DCAF6: variants seen among roughly 807,000 people sequenced by gnomAD.
DCAF6 encodes the protein DDB1 and CUL4 associated factor 6.
DCAF6 carries 54 observed loss-of-function variants against 125.1 expected under a neutral mutation model. That is an observed-to-expected ratio of 0.43 (90% confidence interval 0.35 to 0.54). The LOEUF (loss-of-function observed/expected upper bound fraction) is 0.54, where lower values mean the gene tolerates loss of function less well. Ranked by LOEUF, DCAF6 falls within the 20% of genes least tolerant of loss-of-function variation. The probability of loss-of-function intolerance (pLI) is 0.01; values close to 1 mark genes in which losing one functional copy is unlikely to be tolerated. For synonymous variants in DCAF6, 371 were observed against 390.4 expected, an observed-to-expected ratio of 0.95 and a Z score of 0.58; for missense variants, 934 against 1,161.7, an observed-to-expected ratio of 0.80 and a Z score of 2.85.
chr1:167,943,818 C>T (rs778834422), intron 1 of DCAF6, among the ~76,000 whole-genome samples: 1 of 152,074 alleles, frequency 6.6e-6, no homozygotes, highest in Non-Finnish European at 1.5e-5. Context: ...GTTCCATCCA[C>T]GTTGCTGTAT....
intron 13 of DCAF6, among the ~76,000 whole-genome samples, chr1:168,040,465 G>A (rs1688378939): frequency 6.6e-6 from 1 of 151,726 alleles, no homozygotes; most frequent in African/African-American, 2.4e-5. Flanking sequence ...CTTAGACAAG[G>A]ATGGGAGCAG....
chr1:167,902,250 G>A, the DCAF6 span, among the ~76,000 whole-genome samples: 3 of 152,162 alleles, frequency 2.0e-5, no homozygotes, highest in Admixed American at 2.0e-4. Context: ...TGAGTACGTG[G>A]AACCAGTTTA....
intron 10 of DCAF6, among the ~76,000 whole-genome samples, chr1:168,011,408 G>A (rs939551626): frequency 1.3e-5 from 2 of 152,044 alleles, no homozygotes; most frequent in Admixed American, 6.6e-5. Context: ...GAGCCACTGC[G>A]CCCGACCCAG....
the DCAF6 span, among the ~76,000 whole-genome samples, chr1:167,866,292 G>A: frequency 3.3e-5 from 5 of 152,238 alleles, no homozygotes; most frequent in South Asian, 4.1e-4. Flanking sequence ...CGACTCTCAC[G>A]TCCATTTAGA....
At chr1:167,878,781 A>G in the DCAF6 span, 1 of 814,246 alleles carries the variant, frequency 1.2e-6, no homozygotes, top group Admixed American at 2.2e-5. Context: ...CTCAAGACCC[A>G]TATTCAGCCA....
At chr1:167,864,554 A>G in the DCAF6 span, among the ~76,000 whole-genome samples, 15 of 152,272 alleles carry the variant, frequency 9.9e-5, no homozygotes, top group African/African-American at 3.1e-4. Flanking sequence ...AGGCAGAAAG[A>G]GAGGAAGAAA....
Position 168,053,566 on chromosome 1 carries a change from G to A in DCAF6, c.2300+2633G>A, listed in dbSNP as rs145830582. ...GGAAAAAAGATCAGACACAGTGGAA[G>A]AATCCAGGCTCAGTGTTCCAAAGTT... On this transcript the variant is annotated intron_variant, in intron 17 of 21. Transcript: ENST00000367840. Among the ~76,000 whole-genome samples the A allele has an allele frequency of 3.4e-3, 522 of 152,338 alleles. 2 individuals are homozygous for A. The highest frequency in any genetic ancestry group is 0.012 in the African/African-American group (483 of 41,576).
chr1:167,927,770 GCCCTTC>G, the DCAF6 span, among the ~76,000 whole-genome samples: 1 of 151,996 alleles, frequency 6.6e-6, no homozygotes, highest in Non-Finnish European at 1.5e-5. Flanking sequence ...ATTAACAACA[GCCCTTC>G]CCCACCAAAC....
chr1:167,992,734 A>G (rs1420745048), intron 6 of DCAF6, among the ~76,000 whole-genome samples: 1 of 152,226 alleles, frequency 6.6e-6, no homozygotes, highest in Non-Finnish European at 1.5e-5. Context: ...TAAAATTGGA[A>G]TAGTATTCTT....
At chr1:167,964,670 C>T (rs1676126134) in intron 2 of DCAF6, among the ~76,000 whole-genome samples, 1 of 152,162 alleles carries the variant, frequency 6.6e-6, no homozygotes. Context: ...TCACATTATA[C>T]ATGAGTTATG....
chr1:167,871,647 T>C, the DCAF6 span, among the ~76,000 whole-genome samples: 7 of 152,372 alleles, frequency 4.6e-5, no homozygotes, highest in Admixed American at 4.6e-4. Context: ...ATTTTGTTAT[T>C]CACTGATAGA....
intron 7 of DCAF6, among the ~76,000 whole-genome samples, chr1:167,994,716 TC>T (rs1306144387): frequency 2.6e-5 from 4 of 152,214 alleles, no homozygotes; most frequent in Non-Finnish European, 5.9e-5. Context: ...TAAGCTTCTT[TC>T]CTCAACATGT....
chr1:168,053,737 A>T (rs1280222435), intron 17 of DCAF6, among the ~76,000 whole-genome samples: 1 of 152,194 alleles, frequency 6.6e-6, no homozygotes, highest in Non-Finnish European at 1.5e-5. Flanking sequence ...CTGTGTGCCT[A>T]ACCACAGTCA....
At position 167,936,758 on chromosome 1, in the gene DCAF6, G is replaced by C. The variant is rs1328176771; in HGVS notation, c.-154G>C. On this transcript the variant is annotated 5_prime_UTR_variant, in exon 1 of 22. Transcript: ENST00000367840. ...GGTGCGGCCGGGCTTCAGGGGCCCA[G>C]GCGCCGCTGCTGCCACCGCCATCTA... 3.1e-6 allele frequency: 2 copies of C among 651,540 alleles called. No homozygotes were observed. Among genetic ancestry groups the C allele is most frequent in the Admixed American group, 5.8e-5 (2 of 34,518 alleles). 40.4% of individuals were successfully genotyped at this position (651,540 alleles called of 1,614,324 possible). A position where few individuals can be genotyped will look rare whatever the true frequency, so the allele number is the denominator to read the frequency against.
chr1:167,964,604 A>C (rs1434165032), intron 2 of DCAF6, among the ~76,000 whole-genome samples: 2 of 152,162 alleles, frequency 1.3e-5, no homozygotes, highest in African/African-American at 4.8e-5. Flanking sequence ...TTTGGAGGAA[A>C]TTATCAGTCA....
chr1:168,068,017 C>T (rs556202068), intron 20 of DCAF6, among the ~76,000 whole-genome samples: 56 of 152,286 alleles, frequency 3.7e-4, no homozygotes, highest in African/African-American at 1.3e-3. Context: ...TATCAGTTCT[C>T]CTATAGGGAA....
intron 17 of DCAF6, among the ~76,000 whole-genome samples, chr1:168,053,474 ATTGC>A (rs1165457971): frequency 1.3e-5 from 2 of 152,194 alleles, no homozygotes; most frequent in Non-Finnish European, 2.9e-5. Context: ...CACACAGTTG[ATTGC>A]TTGCTACAAA....
intron 12 of DCAF6, among the ~76,000 whole-genome samples, chr1:168,029,316 A>G (rs556824290): frequency 1.3e-5 from 2 of 152,348 alleles, no homozygotes; most frequent in East Asian, 3.9e-4. Context: ...TTACTAATGA[A>G]GAAACTGAGA....
At chr1:167,962,363 G>A (rs1046953712) in intron 2 of DCAF6, among the ~76,000 whole-genome samples, 5 of 150,740 alleles carry the variant, frequency 3.3e-5, no homozygotes, top group African/African-American at 1.2e-4. Context: ...CACATATTTC[G>A]ATGCTCTGTT....
Sources: gnomAD v4.1 joint callset for allele counts (sites outside exome capture counted in the v4.1 genomes callset) on GRCh38, gnomAD v4.1.1 for gene constraint, MANE v1.5 for transcripts, NCBI Gene and HGNC (gene_info 2026-07-23, HGNC 2026-07-21) for gene names.